RNGTT: variants seen among roughly 807,000 people sequenced by gnomAD.
RNGTT encodes RNA guanylyltransferase and 5'-phosphatase, also known as mRNA-capping enzyme.
RNGTT carries 33 observed loss-of-function variants against 79.3 expected under a neutral mutation model. That is an observed-to-expected ratio of 0.42 (90% CI 0.32 to 0.56). The LOEUF (loss-of-function observed/expected upper bound fraction) is 0.56, where lower values mean the gene tolerates loss of function less well. RNGTT is among the 20% of genes least tolerant of loss of function. The pLI, the probability that RNGTT is intolerant of heterozygous loss-of-function variation, is 0.17. For missense variants in RNGTT, 497 were observed against 739.1 expected, an observed-to-expected ratio of 0.67 and a Z score of 3.80; for synonymous variants, 222 against 235.9, an observed-to-expected ratio of 0.94 and a Z score of 0.54.
At chr6:88,715,526 G>A (rs1451062369) in intron 13 of RNGTT, among the ~76,000 whole-genome samples, 1 of 152,132 alleles carries the variant, frequency 6.6e-6, no homozygotes, top group African/African-American at 2.4e-5. Context: ...TAAGCCAAAA[G>A]AACAAAGCTG....
At position 88,849,607 on chromosome 6, in the gene RNGTT, T is replaced by C. The variant is rs1015125666; in HGVS notation, c.1104+148A>G. On this transcript the variant is annotated intron_variant, in intron 10 of 15. Coordinates refer to ENST00000369485, the MANE Select transcript of RNGTT (RefSeq NM_003800.5). ...ACAATAAGAGAAAGAAAAGGAGATA[T>C]AAAAGGATTAAAAAAAAGATTCCCA... 6.5e-5 allele frequency: 36 copies of C among 550,810 alleles called. 1 individual carries two copies. Among genetic ancestry groups the C allele is most frequent in the Non-Finnish European group, 8.4e-6 (3 of 357,354 alleles). The allele number at this position is 550,810 out of a possible 1,614,324, so 34.1% of individuals were successfully genotyped here.
intron 9 of RNGTT, 71 bp from the exon 10 acceptor site, chr6:88,849,897 G>T: frequency 1.5e-6 from 2 of 1,376,416 alleles, no homozygotes; most frequent in Non-Finnish European, 1.9e-6. Context: ...TTGAAATATG[G>T]CATACACACA....
chr6:88,623,347 G>A (rs536155540), intron 14 of RNGTT, among the ~76,000 whole-genome samples: 7 of 151,922 alleles, frequency 4.6e-5, no homozygotes, highest in South Asian at 2.1e-4. Context: ...TAACTATATC[G>A]GTAAATATAT....
chr6:88,815,478 C>T (rs950528518), intron 11 of RNGTT, among the ~76,000 whole-genome samples: 2 of 152,130 alleles, frequency 1.3e-5, no homozygotes, highest in African/African-American at 4.8e-5. Flanking sequence ...GTATCTAAAG[C>T]CAGCAAGTCT....
intron 11 of RNGTT, among the ~76,000 whole-genome samples, chr6:88,819,436 A>C (rs546723162): frequency 1.3e-5 from 2 of 152,312 alleles, no homozygotes; most frequent in Non-Finnish European, 2.9e-5. Context: ...GCTAATAAAC[A>C]CATGTGCCAC....
intron 8 of RNGTT, among the ~76,000 whole-genome samples, chr6:88,882,999 T>C (rs775874172): frequency 2.1e-4 from 32 of 152,180 alleles, no homozygotes; most frequent in Non-Finnish European, 4.1e-4. Context: ...ATTAAATGCC[T>C]GGAAACTTTT....
chr6:88,713,838 A>C (rs1016343854), intron 13 of RNGTT, among the ~76,000 whole-genome samples: 3 of 152,214 alleles, frequency 2.0e-5, no homozygotes, highest in Admixed American at 6.5e-5. Context: ...CAGACTGAAA[A>C]ATTAGATATT....
intron 13 of RNGTT, chr6:88,714,573 G>C (rs1582371898): frequency 8.4e-6 from 1 of 118,866 alleles, no homozygotes; most frequent in East Asian, 2.0e-4. Flanking sequence ...CTCCCAAGTA[G>C]CTGGGACTAC....
intron 13 of RNGTT, among the ~76,000 whole-genome samples, chr6:88,728,121 A>G (rs761458795): frequency 6.6e-6 from 1 of 152,162 alleles, no homozygotes; most frequent in Non-Finnish European, 1.5e-5. Flanking sequence ...TACCAAACTA[A>G]AGCTAAGAAA....
intron 13 of RNGTT, among the ~76,000 whole-genome samples, chr6:88,744,364 C>T (rs1358471073): frequency 1.3e-5 from 2 of 152,036 alleles, no homozygotes; most frequent in Admixed American, 1.3e-4. Context: ...CGGGTTTAAG[C>T]GATTCTCCCA....
intron 13 of RNGTT, among the ~76,000 whole-genome samples, chr6:88,683,494 C>A (rs369570918): frequency 6.6e-6 from 1 of 152,096 alleles, no homozygotes. Context: ...GCAAATTCTA[C>A]CAAAATTAAT....
At chr6:88,852,511 C>T (rs193036816) in intron 9 of RNGTT, among the ~76,000 whole-genome samples, 10 of 152,168 alleles carry the variant, frequency 6.6e-5, no homozygotes, top group African/African-American at 2.2e-4. Flanking sequence ...GTACCAGTCA[C>T]ATTAACTATG....
intron 4 of RNGTT, among the ~76,000 whole-genome samples, chr6:88,918,626 T>G (rs1169366078): frequency 1.3e-5 from 2 of 152,156 alleles, no homozygotes; most frequent in African/African-American, 4.8e-5. Flanking sequence ...GAGATCAGCC[T>G]TGAACTGAAG....
chr6:88,650,515 G>A (rs1773757431), intron 14 of RNGTT, among the ~76,000 whole-genome samples: 1 of 152,040 alleles, frequency 6.6e-6, no homozygotes, highest in Non-Finnish European at 1.5e-5. Context: ...TTTAATTCCA[G>A]CTATGCTCAC....
At chr6:88,865,265 C>T (rs983379332) in intron 8 of RNGTT, among the ~76,000 whole-genome samples, 4 of 151,936 alleles carry the variant, frequency 2.6e-5, no homozygotes, top group Admixed American at 6.6e-5. Context: ...ATTAGTACTA[C>T]GACTACCACT....
intron 10 of RNGTT, among the ~76,000 whole-genome samples, chr6:88,844,789 G>A (rs1268110521): frequency 2.0e-5 from 3 of 151,442 alleles, no homozygotes; most frequent in South Asian, 2.1e-4. Flanking sequence ...TAAGTTGATC[G>A]AAATATTTCA....
chr6:88,657,537 G>A (rs1325973102), intron 14 of RNGTT, among the ~76,000 whole-genome samples: 1 of 152,156 alleles, frequency 6.6e-6, no homozygotes, highest in Non-Finnish European at 1.5e-5. Flanking sequence ...ACAGAATCAG[G>A]GGGTGGGGAG....
chr6:88,913,404 CA>C (rs886339484), intron 4 of RNGTT, among the ~76,000 whole-genome samples: 13 of 150,104 alleles, frequency 8.7e-5, no homozygotes, highest in African/African-American at 2.9e-4. Context: ...AAAAACACAA[CA>C]AAAAAAAATA....
intron 13 of RNGTT, among the ~76,000 whole-genome samples, chr6:88,750,823 C>A (rs7747355): frequency 0.14 from 21,057 of 152,104 alleles, 1,592 homozygotes; most frequent in Middle Eastern, 0.24. Flanking sequence ...CTAACAATGA[C>A]AATGTTTTCA....
Sources: allele counts gnomAD v4.1 joint callset (sites outside exome capture counted in the v4.1 genomes callset), GRCh38; gene constraint gnomAD v4.1.1; transcripts MANE v1.5; gene names NCBI Gene and HGNC (gene_info 2026-07-23, HGNC 2026-07-21).